ABL2: variants seen among roughly 807,000 people sequenced by gnomAD.
ABL2 encodes ABL proto-oncogene 2, non-receptor tyrosine kinase.
ABL2 carries 49 observed loss-of-function variants against 107.7 expected under a neutral mutation model. That is an observed-to-expected ratio of 0.45 (90% CI 0.36 to 0.58). The LOEUF (loss-of-function observed/expected upper bound fraction) is 0.58, where lower values mean the gene tolerates loss of function less well. ABL2 is among the 20% of genes least tolerant of loss of function. The pLI is 0.00. For synonymous variants in ABL2, 549 were observed against 548.6 expected (o/e 1.00, Z -0.01); for missense variants, 1,245 against 1,457.0 (o/e 0.85, Z 2.37).
chr1:179,110,245 G>A, intron 11 of ABL2, 37 bp downstream of exon 11: 1 of 1,611,858 alleles, frequency 6.2e-7, no homozygotes, highest in Non-Finnish European at 8.5e-7. Context: ...AAACAAGGCA[G>A]TTTCTATTTT....
At chr1:179,207,802 A>T (rs1043504588) in intron 1 of ABL2, among the ~76,000 whole-genome samples, 43 of 152,338 alleles carry the variant, frequency 2.8e-4, no homozygotes, top group African/African-American at 1.0e-3. Context: ...AAACCCACAC[A>T]GACTGACACC....
At chr1:179,130,726 T>TTTTTTTGTG (rs1553220073) in intron 3 of ABL2, among the ~76,000 whole-genome samples, 1 of 142,722 alleles carries the variant, frequency 7.0e-6, no homozygotes, top group African/African-American at 2.6e-5. Context: ...ATTATTGATT[T>TTTTTTTGTG]TGTGTGTGTG....
chr1:179,172,389 T>C (rs1415774490), intron 1 of ABL2, among the ~76,000 whole-genome samples: 1 of 152,184 alleles, frequency 6.6e-6, no homozygotes, highest in African/African-American at 2.4e-5. Flanking sequence ...TCTTTTTCAA[T>C]CTAAAGACTG....
chr1:179,111,273 T>C (rs1654047650), intron 10 of ABL2, among the ~76,000 whole-genome samples: 1 of 144,674 alleles, frequency 6.9e-6, no homozygotes, highest in East Asian at 2.1e-4. Flanking sequence ...TGAACCACAG[T>C]GCTCAGTCTT....
chr1:179,229,329 C>G lies in ABL2; in HGVS notation c.69G>C (p.Arg23=), dbSNP rs1274677085. The change falls in exon 1 of 12, where the codon CGG becomes CGC. Residue 23 remains arginine, a synonymous_variant. Coordinates refer to ENST00000502732, the MANE Select transcript of ABL2 (RefSeq NM_007314.4). ...CGGAGGGCCTGGCTGCACTGCTGCCCCGGATCCCGCGGGGCTGAGGCTGCT... is the reference window on the plus strand; with the variant it reads ...CGGAGGGCCTGGCTGCACTGCTGCCGCGGATCCCGCGGGGCTGAGGCTGCT... ...GLQQPQPRGI[R]GSSAARPSGR... 1 of 1,584,592 alleles carries G rather than the reference C, an allele frequency of 6.3e-7. No individual in the cohort carries two copies. The highest frequency in any genetic ancestry group is 1.4e-5 in the African/African-American group (1 of 72,932).
At chr1:179,114,321 T>A (rs936762057) in intron 9 of ABL2, among the ~76,000 whole-genome samples, 2 of 150,968 alleles carry the variant, frequency 1.3e-5, no homozygotes, top group South Asian at 2.1e-4. Flanking sequence ...GGCATGAGAA[T>A]CACTTGAACC....
chr1:179,162,585 T>TA (rs1211707315), intron 1 of ABL2, among the ~76,000 whole-genome samples: 2 of 152,136 alleles, frequency 1.3e-5, no homozygotes, highest in African/African-American at 2.4e-5. Context: ...ACTCTGTTTT[T>TA]AAAAAAAATT....
chr1:179,105,963 C>T lies in ABL2; in HGVS notation c.*1755G>A. ...GGGATAGCTGCACACTTACTTGCAA[C>T]ACCCTTGAGAACATGTACTGTTACC... On this transcript the variant is annotated 3_prime_UTR_variant, in exon 12 of 12. Coordinates refer to ENST00000502732, the MANE Select transcript of ABL2 (RefSeq NM_007314.4). 4.5e-6 allele frequency: 1 copy of T among 223,432 alleles called. No individual in the cohort carries two copies. Among genetic ancestry groups the T allele is most frequent in the Non-Finnish European group, 8.9e-6 (1 of 111,814 alleles). 13.8% of individuals were successfully genotyped at this position (223,432 alleles called of 1,614,324 possible). A position where few individuals can be genotyped will look rare whatever the true frequency, so the allele number is the denominator to read the frequency against.
chr1:179,223,027 T>C (rs937970101), intron 1 of ABL2, among the ~76,000 whole-genome samples: 1 of 150,092 alleles, frequency 6.7e-6, no homozygotes, highest in Non-Finnish European at 1.5e-5. Flanking sequence ...GGTGAATTGC[T>C]TGAACCCAGG....
intron 1 of ABL2, among the ~76,000 whole-genome samples, chr1:179,135,254 T>C (rs1367074565): frequency 1.3e-5 from 2 of 150,736 alleles, no homozygotes; most frequent in African/African-American, 4.9e-5. Flanking sequence ...GGAGCATCTC[T>C]GCCCGGGCCG....
intron 1 of ABL2, among the ~76,000 whole-genome samples, chr1:179,147,563 A>G (rs1226734726): frequency 6.6e-6 from 1 of 152,252 alleles, no homozygotes; most frequent in East Asian, 1.9e-4. Context: ...TGTATTTTGC[A>G]GCAACATGGT....
At chr1:179,184,840 T>C (rs1274281074) in intron 1 of ABL2, among the ~76,000 whole-genome samples, 2 of 152,128 alleles carry the variant, frequency 1.3e-5, no homozygotes, top group African/African-American at 4.8e-5. Flanking sequence ...TCAACTTATT[T>C]GGGAGGTAAA....
Position 179,229,464 on chromosome 1 carries a change from G to A in ABL2, c.-67C>T. On this transcript the variant is annotated 5_prime_UTR_variant, in exon 1 of 12. Transcript: ENST00000502732. ...CACATTCCTCCTCGGCTCCGGCCTC[G>A]GGCTCCTGGCGCTGCTCCGGTCTCT... is the stretch of plus-strand genomic sequence containing the variant. The A allele has an allele frequency of 7.1e-7, 1 of 1,405,938 alleles. No individual in the cohort carries two copies. 87.1% of individuals were successfully genotyped at this position (1,405,938 alleles called of 1,614,324 possible). A position where few individuals can be genotyped will look rare whatever the true frequency, so the allele number is the denominator to read the frequency against.
chr1:179,159,565 G>A (rs528276711), intron 1 of ABL2, among the ~76,000 whole-genome samples: 1 of 152,144 alleles, frequency 6.6e-6, no homozygotes, highest in Non-Finnish European at 1.5e-5. Context: ...TTCAAAATGT[G>A]TCGTTTTTGG....
At chr1:179,178,758 G>A (rs780972257) in intron 1 of ABL2, among the ~76,000 whole-genome samples, 31 of 152,024 alleles carry the variant, frequency 2.0e-4, no homozygotes, top group Admixed American at 5.9e-4. Context: ...AGTGTGGTGG[G>A]CTGGGGGGGG....
chr1:179,226,371 C>T (rs563699830), intron 1 of ABL2, among the ~76,000 whole-genome samples: 11 of 145,742 alleles, frequency 7.5e-5, no homozygotes, highest in East Asian at 2.1e-4. Context: ...TGGAGTGGCG[C>T]GATCTTGGCT....
chr1:179,135,792 C>A (rs1210376836), intron 1 of ABL2, among the ~76,000 whole-genome samples: 13 of 145,838 alleles, frequency 8.9e-5, no homozygotes, highest in Non-Finnish European at 1.4e-4. Flanking sequence ...GTCAGCCCCC[C>A]GCCCGGCCAG....
At chr1:179,207,824 C>A (rs1662063135) in intron 1 of ABL2, among the ~76,000 whole-genome samples, 1 of 152,118 alleles carries the variant, frequency 6.6e-6, no homozygotes, top group Admixed American at 6.6e-5. Flanking sequence ...GAGTCCATGC[C>A]ATTAACAGCA....
In ABL2 at chr1:179,101,302, T is replaced by G. The variant is rs1369079712; in HGVS notation, c.*6416A>C. The stretch of plus-strand genomic sequence containing the variant: ...GAAGAAGTATGGGATCTTCTTATCT[T>G]GATCCCACAGGGTGAAGCCTTCCCT... On this transcript the variant is annotated 3_prime_UTR_variant, in exon 12 of 12. Transcript: ENST00000502732. 4.7e-6 allele frequency: 1 copy of G among 211,866 alleles called. No individual in the cohort carries two copies. The highest frequency in any genetic ancestry group is 2.3e-5 in the African/African-American group (1 of 44,036). The allele number at this position is 211,866 out of a possible 1,614,324, so 13.1% of individuals were successfully genotyped here.
Sources: allele counts gnomAD v4.1 joint callset (sites outside exome capture counted in the v4.1 genomes callset), GRCh38; gene constraint gnomAD v4.1.1; transcripts MANE v1.5; gene names NCBI Gene and HGNC (gene_info 2026-07-23, HGNC 2026-07-21).